PRKG1: variants seen among roughly 807,000 people sequenced by gnomAD.
The protein encoded by PRKG1 is cGMP-dependent protein kinase 1.
PRKG1 carries 35 observed loss-of-function variants against 88.1 expected under a neutral mutation model. That is an observed-to-expected ratio of 0.40 (90% CI 0.30 to 0.53). The LOEUF (loss-of-function observed/expected upper bound fraction) is 0.53. Among genes scored for constraint, PRKG1 ranks in the 20% least tolerant of loss-of-function variants. PRKG1 has a pLI of 0.59. For synonymous variants in PRKG1, 303 were observed against 292.5 expected (o/e 1.04, Z -0.37); for missense variants, 540 against 839.8 (o/e 0.64, Z 4.41).
At chr10:51,768,210 A>G (rs1838218551) in intron 3 of PRKG1, among the ~76,000 whole-genome samples, 1 of 152,148 alleles carries the variant, frequency 6.6e-6, no homozygotes, top group Non-Finnish European at 1.5e-5. Context: ...GCATTATTAC[A>G]AAATGCTTGT....
intron 3 of PRKG1, among the ~76,000 whole-genome samples, chr10:51,628,321 G>A (rs1839426888): frequency 6.6e-6 from 1 of 151,092 alleles, no homozygotes; most frequent in African/African-American, 2.4e-5. Flanking sequence ...TGCCACCACA[G>A]CCAGCTAATT....
intron 9 of PRKG1, among the ~76,000 whole-genome samples, chr10:52,173,596 T>G (rs1377617118): frequency 6.6e-6 from 1 of 152,208 alleles, no homozygotes; most frequent in Non-Finnish European, 1.5e-5. Flanking sequence ...GAAGCATGAC[T>G]GGTGCTCAGA....
At chr10:51,021,506 C>T (rs975881323) in intron 1 of PRKG1, among the ~76,000 whole-genome samples, 1 of 152,102 alleles carries the variant, frequency 6.6e-6, no homozygotes. Context: ...ATAATTCTGA[C>T]CCATTTTTCT....
intron 2 of PRKG1, among the ~76,000 whole-genome samples, chr10:51,187,860 A>G (rs1352922319): frequency 6.6e-6 from 1 of 152,006 alleles, no homozygotes; most frequent in Non-Finnish European, 1.5e-5. Context: ...GATGGTTAAA[A>G]TTACCCAAAA....
intron 3 of PRKG1, among the ~76,000 whole-genome samples, chr10:51,487,896 T>A (rs971260887): frequency 6.6e-6 from 1 of 152,178 alleles, no homozygotes; most frequent in African/African-American, 2.4e-5. Flanking sequence ...TGTAGAGAGA[T>A]GATGACGAAG....
chr10:52,199,880 G>C (rs1449244464), intron 9 of PRKG1, among the ~76,000 whole-genome samples: 1 of 152,140 alleles, frequency 6.6e-6, no homozygotes, highest in Non-Finnish European at 1.5e-5. Flanking sequence ...AAATTTATAA[G>C]ATCATGAAAG....
intron 5 of PRKG1, among the ~76,000 whole-genome samples, chr10:51,979,472 G>A (rs1427788135): frequency 1.6e-4 from 20 of 125,448 alleles, no homozygotes; most frequent in African/African-American, 2.4e-4. Flanking sequence ...TCAGGATGAC[G>A]CTGGCCTCAT....
intron 3 of PRKG1, among the ~76,000 whole-genome samples, chr10:51,757,561 G>A (rs1460175309): frequency 2.0e-5 from 3 of 152,254 alleles, no homozygotes; most frequent in African/African-American, 7.2e-5. Context: ...TTACAATTTT[G>A]TTTAAAATAA....
intron 4 of PRKG1, among the ~76,000 whole-genome samples, chr10:51,885,477 C>T (rs1841544423): frequency 6.6e-6 from 1 of 152,246 alleles, no homozygotes; most frequent in South Asian, 2.1e-4. Flanking sequence ...AAGCCTGTTA[C>T]ATAGACTGAC....
intron 2 of PRKG1, among the ~76,000 whole-genome samples, chr10:51,274,764 A>G (rs1324032720): frequency 6.6e-6 from 1 of 152,240 alleles, no homozygotes; most frequent in Non-Finnish European, 1.5e-5. Flanking sequence ...CAATGGAGAA[A>G]AATTATGTGA....
intron 2 of PRKG1, among the ~76,000 whole-genome samples, chr10:51,248,230 CT>C (rs760173240): frequency 6.6e-6 from 1 of 151,856 alleles, no homozygotes; most frequent in Non-Finnish European, 1.5e-5. Context: ...TATTAATTCT[CT>C]GCTCAATGTA....
At chr10:51,336,995 A>G (rs1228369586) in intron 2 of PRKG1, among the ~76,000 whole-genome samples, 1 of 152,224 alleles carries the variant, frequency 6.6e-6, no homozygotes, top group Non-Finnish European at 1.5e-5. Flanking sequence ...GTATTATACT[A>G]CTGGACTTCA....
At chr10:51,500,852 A>G (rs1485485001) in intron 3 of PRKG1, among the ~76,000 whole-genome samples, 1 of 152,188 alleles carries the variant, frequency 6.6e-6, no homozygotes, top group Non-Finnish European at 1.5e-5. Context: ...TCTTAAAGTG[A>G]CACACAAGGA....
intron 1 of PRKG1, among the ~76,000 whole-genome samples, chr10:51,126,003 A>C (rs1845389934): frequency 7.9e-6 from 1 of 126,046 alleles, no homozygotes; most frequent in South Asian, 2.3e-4. Flanking sequence ...AAATGATATA[A>C]TTTATATATA....
At chr10:51,095,056 A>C (rs1439588442) in intron 1 of PRKG1, among the ~76,000 whole-genome samples, 1 of 152,116 alleles carries the variant, frequency 6.6e-6, no homozygotes, top group East Asian at 1.9e-4. Flanking sequence ...AAAATCACAC[A>C]TTACAGATAA....
chr10:51,284,976 T>C (rs914814801), intron 2 of PRKG1, among the ~76,000 whole-genome samples: 1 of 145,926 alleles, frequency 6.9e-6, no homozygotes, highest in Non-Finnish European at 1.5e-5. Flanking sequence ...ACATGTGCCA[T>C]GCTGGTGCGC....
At chr10:51,895,858 C>G (rs914789300) in intron 4 of PRKG1, among the ~76,000 whole-genome samples, 1 of 152,138 alleles carries the variant, frequency 6.6e-6, no homozygotes, top group South Asian at 2.1e-4. Flanking sequence ...GTGGGTTTCT[C>G]TGCGTGCAAT....
intron 1 of PRKG1, among the ~76,000 whole-genome samples, chr10:51,083,679 G>C (rs1844173129): frequency 6.6e-6 from 1 of 152,170 alleles, no homozygotes; most frequent in African/African-American, 2.4e-5. Flanking sequence ...TCTGGGCATT[G>C]CTGGCAGTTG....
chr10:51,306,078 C>T (rs1376870374), intron 2 of PRKG1, among the ~76,000 whole-genome samples: 1 of 152,160 alleles, frequency 6.6e-6, no homozygotes, highest in Non-Finnish European at 1.5e-5. Context: ...CATTATTTTA[C>T]TGAAGACAAT....
Sources: gnomAD v4.1 joint callset for allele counts (sites outside exome capture counted in the v4.1 genomes callset) on GRCh38, gnomAD v4.1.1 for gene constraint, MANE v1.5 for transcripts, NCBI Gene and HGNC (gene_info 2026-07-23, HGNC 2026-07-21) for gene names.